Variants in TMEM170B observed in about 807,000 individuals in gnomAD.
TMEM170B encodes the protein transmembrane protein 170B.
A neutral mutation model predicts 13.0 loss-of-function variants in TMEM170B; 6 were observed. That is an observed-to-expected ratio of 0.46 (90% CI 0.25 to 0.91). The LOEUF (loss-of-function observed/expected upper bound fraction) is 0.91, where lower values mean the gene tolerates loss of function less well. Ranked by LOEUF, TMEM170B falls within the 40% of genes least tolerant of loss-of-function variation. TMEM170B has a pLI of 0.17. For missense variants in TMEM170B, 138 were observed against 165.2 expected (o/e 0.84, Z 0.90); for synonymous variants, 61 against 64.9 (o/e 0.94, Z 0.29).
rs1256059432 is a variant in TMEM170B at position 11,580,214 on chromosome 6, T to G, written c.*4653T>G. On this transcript the variant is annotated 3_prime_UTR_variant, in exon 3 of 3. Coordinates refer to ENST00000379426, the MANE Select transcript of TMEM170B (RefSeq NM_001100829.3). ...TTTTTAGTAGAGACAGATTTCTCTA[T>G]GTTGGTCAGGCTGGTCTCAAACTCC... 6.6e-6 allele frequency: 1 copy of G among 152,148 alleles called. No homozygotes were observed. Among genetic ancestry groups the G allele is most frequent in the Non-Finnish European group, 1.5e-5 (1 of 68,052 alleles). 9.4% of individuals were successfully genotyped at this position (152,148 alleles called of 1,614,324 possible). A position where few individuals can be genotyped will look rare whatever the true frequency, so the allele number is the denominator to read the frequency against.
intron 2 of TMEM170B, among the ~76,000 whole-genome samples, chr6:11,566,264 A>G (rs1443486876): frequency 2.6e-5 from 4 of 152,184 alleles, no homozygotes; most frequent in Non-Finnish European, 5.9e-5. Flanking sequence ...ATAAAATTGC[A>G]CTTTCTTCTT....
At chr6:11,554,013 G>A (rs965563999) in intron 1 of TMEM170B, among the ~76,000 whole-genome samples, 5 of 152,036 alleles carry the variant, frequency 3.3e-5, no homozygotes, top group East Asian at 1.9e-4. Context: ...TGTGATTACC[G>A]TGACTTGACT....
chr6:11,547,222 AAAAAT>A (rs1352077382), intron 1 of TMEM170B, among the ~76,000 whole-genome samples: 4 of 152,178 alleles, frequency 2.6e-5, no homozygotes, highest in Non-Finnish European at 4.4e-5. Context: ...CAGTCAAAGA[AAAAAT>A]AAAAGAAAGT....
chr6:11,576,273 G>T lies in TMEM170B; in HGVS notation c.*712G>T, dbSNP rs942789456. 6.6e-6 allele frequency: 1 copy of T among 152,094 alleles called. No homozygotes were observed. The highest frequency in any genetic ancestry group is 2.4e-5 in the African/African-American group (1 of 41,422). 9.4% of individuals were successfully genotyped at this position (152,094 alleles called of 1,614,324 possible). A position where few individuals can be genotyped will look rare whatever the true frequency, so the allele number is the denominator to read the frequency against. On this transcript the variant is annotated 3_prime_UTR_variant, in exon 3 of 3. Transcript: ENST00000379426. ...CAACTTAAGTAACACCCTTTTAATAGCTTCTCTCATGCATCCATATTCTGT... is the reference window on the plus strand; with the variant it reads ...CAACTTAAGTAACACCCTTTTAATATCTTCTCTCATGCATCCATATTCTGT...
intron 2 of TMEM170B, among the ~76,000 whole-genome samples, chr6:11,572,340 T>C (rs761042139): frequency 6.6e-5 from 10 of 152,214 alleles, no homozygotes; most frequent in Non-Finnish European, 1.3e-4. Flanking sequence ...GCAGTGAAAA[T>C]GAATAAGTTA....
In TMEM170B at chr6:11,542,644, T is replaced by A. The variant is rs1759377764; in HGVS notation, c.97+4270T>A. On this transcript the variant is annotated intron_variant, in intron 1 of 2. Coordinates refer to ENST00000379426, the MANE Select transcript of TMEM170B (RefSeq NM_001100829.3). ...AGAGTGTACCACGTTAGGAACCACATCTCTTCTCAACAGTGGCAGTCTATA... is the reference window on the plus strand; with the variant it reads ...AGAGTGTACCACGTTAGGAACCACAACTCTTCTCAACAGTGGCAGTCTATA... 2.0e-5 allele frequency among the ~76,000 whole-genome samples: 3 copies of A among 152,310 alleles called. No individual in the cohort carries two copies. In the South Asian group the frequency reaches 6.2e-4, roughly 32 times the overall value.
rs184721954 is a variant in TMEM170B at position 11,563,205 on chromosome 6, G to A, written c.98-2461G>A. 3.6e-3 allele frequency among the ~76,000 whole-genome samples: 541 copies of A among 152,098 alleles called. 1 individual carries two copies. The highest frequency in any genetic ancestry group is 0.012 in the African/African-American group (511 of 41,470). On this transcript the variant is annotated intron_variant, in intron 1 of 2. Coordinates refer to ENST00000379426, the MANE Select transcript of TMEM170B (RefSeq NM_001100829.3). ...ACAAAAATTAGCCAGGCATGGTGACGGGCACCTGTAATCCCAGCTACTTGG... is the reference window on the plus strand; with the variant it reads ...ACAAAAATTAGCCAGGCATGGTGACAGGCACCTGTAATCCCAGCTACTTGG...
chr6:11,553,545 T>A (rs1759550836), intron 1 of TMEM170B, among the ~76,000 whole-genome samples: 1 of 152,010 alleles, frequency 6.6e-6, no homozygotes, highest in African/African-American at 2.4e-5. Flanking sequence ...TACTAGCTAG[T>A]TTTTTTTACT....
In TMEM170B at chr6:11,538,272, G is replaced by A; in HGVS notation, c.-6G>A. 1.5e-6 allele frequency: 2 copies of A among 1,363,836 alleles called. No homozygotes were observed. Among genetic ancestry groups the A allele is most frequent in the Non-Finnish European group, 1.9e-6 (2 of 1,056,150 alleles). 84.5% of individuals were successfully genotyped at this position (1,363,836 alleles called of 1,614,324 possible). ...AGGAGAGGGCGGCGGGCGCCCCTCG[G>A]GGAAGATGAAGGCGGAGGGGGGCGA... On this transcript the variant is annotated 5_prime_UTR_variant, in exon 1 of 3. Transcript: ENST00000379426.
chr6:11,563,376 T>C (rs1208289104), intron 1 of TMEM170B, among the ~76,000 whole-genome samples: 3 of 152,196 alleles, frequency 2.0e-5, no homozygotes, highest in African/African-American at 7.2e-5. Flanking sequence ...TGACAAGTGA[T>C]GTGTGGTTTT....
intron 1 of TMEM170B, among the ~76,000 whole-genome samples, chr6:11,554,809 T>C (rs187039665): frequency 6.6e-6 from 1 of 152,270 alleles, no homozygotes; most frequent in East Asian, 1.9e-4. Flanking sequence ...CTGCTCTCTC[T>C]TAAGAGGCAA....
chr6:11,547,307 C>T (rs748361719), intron 1 of TMEM170B, among the ~76,000 whole-genome samples: 1 of 152,134 alleles, frequency 6.6e-6, no homozygotes, highest in Non-Finnish European at 1.5e-5. Flanking sequence ...CCTTCAATAG[C>T]GTTCCCAAGA....
chr6:11,547,212 C>T (rs1759451730), intron 1 of TMEM170B, among the ~76,000 whole-genome samples: 1 of 151,998 alleles, frequency 6.6e-6, no homozygotes, highest in Non-Finnish European at 1.5e-5. Flanking sequence ...TATTTAGTGT[C>T]AGTCAAAGAA....
chr6:11,538,116 C>T lies in TMEM170B; in HGVS notation c.-162C>T, dbSNP rs1361469045. Among the ~76,000 whole-genome samples the T allele has an allele frequency of 6.6e-6, 1 of 151,070 alleles. No individual in the cohort carries two copies. The highest frequency in any genetic ancestry group is 1.5e-5 in the Non-Finnish European group (1 of 67,590). ...ACGCTGAGCGGCCCCCCCACGGAGGCCCTCCGGCTGCAGCAGCAGCAGCGC... is the reference window on the plus strand; with the variant it reads ...ACGCTGAGCGGCCCCCCCACGGAGGTCCTCCGGCTGCAGCAGCAGCAGCGC... On this transcript the variant is annotated 5_prime_UTR_variant, in exon 1 of 3. Coordinates refer to ENST00000379426, the MANE Select transcript of TMEM170B (RefSeq NM_001100829.3).
chr6:11,557,514 G>A (rs1173585041), intron 1 of TMEM170B, among the ~76,000 whole-genome samples: 1 of 152,026 alleles, frequency 6.6e-6, no homozygotes, highest in East Asian at 1.9e-4. Flanking sequence ...TTAAAAAAAA[G>A]GAAATAAAAT....
chr6:11,548,193 G>A (rs1037293286), intron 1 of TMEM170B, among the ~76,000 whole-genome samples: 1 of 152,050 alleles, frequency 6.6e-6, no homozygotes, highest in Non-Finnish European at 1.5e-5. Flanking sequence ...ATCTGACAAA[G>A]GGCTAATATC....
chr6:11,574,760 G>C (rs1336028343), intron 2 of TMEM170B, among the ~76,000 whole-genome samples: 1 of 152,044 alleles, frequency 6.6e-6, no homozygotes, highest in Admixed American at 6.6e-5. Flanking sequence ...AGATTCTCCC[G>C]TTCTCAGAAG....
chr6:11,569,993 C>G (rs965506908), intron 2 of TMEM170B, among the ~76,000 whole-genome samples: 3 of 151,856 alleles, frequency 2.0e-5, no homozygotes, highest in African/African-American at 7.3e-5. Context: ...AAGTTAACAG[C>G]TGTTGATGGG....
intron 2 of TMEM170B, among the ~76,000 whole-genome samples, chr6:11,572,392 A>G (rs1358555780): frequency 1.3e-5 from 2 of 152,198 alleles, no homozygotes; most frequent in African/African-American, 2.4e-5. Flanking sequence ...ACTATATTCC[A>G]TAATATATTT....
Sources: gnomAD v4.1 joint callset for allele counts (sites outside exome capture counted in the v4.1 genomes callset) on GRCh38, gnomAD v4.1.1 for gene constraint, MANE v1.5 for transcripts, NCBI Gene and HGNC (gene_info 2026-07-23, HGNC 2026-07-21) for gene names.